ARL6IP4: variants seen among roughly 807,000 people sequenced by gnomAD.
ARL6IP4 encodes the protein ARF like GTPase 6 interacting protein 4.
ARL6IP4 carries 24 observed loss-of-function variants against 28.1 expected under a neutral mutation model. The ratio of observed to expected loss-of-function variants is 0.86; its 90% CI spans 0.62 to 1.20. The LOEUF (loss-of-function observed/expected upper bound fraction) is 1.20. Ranked by LOEUF, ARL6IP4 falls within the 50% of genes most tolerant of loss-of-function variation. The probability of loss-of-function intolerance (pLI) is 0.00; values close to 1 mark genes in which losing one functional copy is unlikely to be tolerated. For synonymous variants in ARL6IP4, 162 were observed against 122.3 expected, an observed-to-expected ratio of 1.32 and a Z score of -2.14; for missense variants, 343 against 302.4, an observed-to-expected ratio of 1.13 and a Z score of -1.00.
chr12:122,981,911 AG>A (rs762223279), intron 3 of ARL6IP4, 32 bp downstream of exon 3: 2 of 1,613,522 alleles, frequency 1.2e-6, no homozygotes, highest in Non-Finnish European at 1.7e-6. Context: ...GAGAGGGAGA[AG>A]GTCGCTTCCC....
chr12:122,980,973 T>G, intron 1 of ARL6IP4, 156 bp from the exon 2 acceptor site: 1 of 1,365,822 alleles, frequency 7.3e-7, no homozygotes, highest in Non-Finnish European at 9.4e-7. Flanking sequence ...AAAACCGGGG[T>G]CCCCAGCGCT....
At chr12:122,980,558 G>A, upstream of ARL6IP4, 1 of 1,353,150 alleles carries the variant, frequency 7.4e-7, no homozygotes, top group Non-Finnish European at 9.5e-7. Flanking sequence ...GAGGGCCGGC[G>A]CCCCTGCTTG....
chr12:122,982,433 C>A (rs1294280828), intron 4 of ARL6IP4, 36 bp from the exon 5 acceptor site: 1 of 1,575,000 alleles, frequency 6.3e-7, no homozygotes, highest in South Asian at 1.1e-5. Context: ...GGGGACCTGC[C>A]TATTCCTTGC....
Position 122,981,972 on chromosome 12 carries a change from A to G in ARL6IP4, c.485A>G (p.Gln162Arg). 2 of 1,613,776 alleles carry G rather than the reference A, an allele frequency of 1.2e-6. No homozygotes were observed. The highest frequency in any genetic ancestry group is 2.2e-5 in the South Asian group (2 of 91,086). The change falls in exon 4 of 6, where the codon CAG (glutamine) becomes CGG (arginine). Residue 162 changes from glutamine to arginine, a missense_variant. Gln to Arg is a conservative substitution (Grantham distance 43). Coordinates refer to ENST00000315580, the MANE Select transcript of ARL6IP4 (RefSeq NM_018694.4). ...EEDGPVLTDEQKSRIQAMKPM... is the reference protein window; with the variant it reads ...EEDGPVLTDERKSRIQAMKPM... Reference sequence around the variant, plus strand: ...TCCCTTCCAGTCCTGACGGATGAGCAGAAGTCCCGAATCCAGGCCATGAAG... The same window carrying G: ...TCCCTTCCAGTCCTGACGGATGAGCGGAAGTCCCGAATCCAGGCCATGAAG...
chr12:122,980,289 G>A, upstream of ARL6IP4: 1 of 1,268,120 alleles, frequency 7.9e-7, no homozygotes. Flanking sequence ...TCACTGCCAA[G>A]ATCTTTCTGG....
upstream of ARL6IP4, chr12:122,980,303 C>T: frequency 1.6e-6 from 2 of 1,283,286 alleles, no homozygotes; most frequent in East Asian, 2.9e-5. Context: ...TTTCTGGCCC[C>T]TACGGACACG....
chr12:122,980,426 G>A (rs748529387), upstream of ARL6IP4: 55 of 1,362,190 alleles, frequency 4.0e-5, no homozygotes, highest in Non-Finnish European at 4.3e-5. Flanking sequence ...AGGGCGGCGC[G>A]CGCGAGGGTC....
intron 3 of ARL6IP4, 35 bp from the exon 4 acceptor site, chr12:122,981,922 C>G (rs780761653): frequency 1.9e-6 from 3 of 1,613,512 alleles, no homozygotes; most frequent in African/African-American, 1.3e-5. Context: ...GGTCGCTTCC[C>G]AAGGCCTGGC....
chr12:122,980,455 C>T, upstream of ARL6IP4: 1 of 1,360,880 alleles, frequency 7.3e-7, no homozygotes, highest in South Asian at 2.0e-5. Context: ...CCCAGGGCAC[C>T]GGGGGCGTGG....
Position 122,982,849 on chromosome 12 carries a change from G to A in ARL6IP4, c.*173G>A. The A allele has an allele frequency of 1.5e-6, 1 of 654,230 alleles. No individual in the cohort carries two copies. The highest frequency in any genetic ancestry group is 2.6e-6 in the Non-Finnish European group (1 of 379,804). The allele number at this position is 654,230 out of a possible 1,614,324, so 40.5% of individuals were successfully genotyped here. A position where few individuals can be genotyped will look rare whatever the true frequency, so the allele number is the denominator to read the frequency against. Reference sequence around the variant, plus strand: ...GGGTGGAGGTTGGGGTCACCGGCCTGCTTGGCACCCCCATCTGAAAGAGCA... The same window carrying A: ...GGGTGGAGGTTGGGGTCACCGGCCTACTTGGCACCCCCATCTGAAAGAGCA... On this transcript the variant is annotated 3_prime_UTR_variant, in exon 6 of 6. Transcript: ENST00000315580.
At position 122,982,064 on chromosome 12, in the gene ARL6IP4, G is replaced by A; in HGVS notation, c.577G>A (p.Gly193Arg). The A allele has an allele frequency of 1.2e-6, 2 of 1,613,478 alleles. No individual in the cohort carries two copies. Among genetic ancestry groups the A allele is most frequent in the Non-Finnish European group, 1.7e-6 (2 of 1,180,014 alleles). ...IIRKVVDPET[G>R]RTRLIKGDGE... ...CCGCAAGGTGGTGGACCCTGAGACG[G>A]GGCGCACCAGGTGGGGAGCTTTCGG... The change falls in exon 4 of 6, where the codon GGG becomes AGG. Residue 193 changes from glycine (G) to arginine (R), a missense_variant. Transcript: ENST00000315580.
intron 4 of ARL6IP4, 30 bp downstream of exon 4, chr12:122,982,104 C>T: frequency 6.2e-7 from 1 of 1,603,758 alleles, no homozygotes; most frequent in Non-Finnish European, 8.5e-7. Flanking sequence ...ACTTACACCA[C>T]AGGATCTGGG....
chr12:122,982,385 C>G (rs574784485), intron 4 of ARL6IP4, 84 bp from the exon 5 acceptor site: 1 of 1,368,702 alleles, frequency 7.3e-7, no homozygotes, highest in East Asian at 2.5e-5. Flanking sequence ...CCTGGGACCC[C>G]TCTGCCGGCT....
At chr12:122,980,516 G>C, upstream of ARL6IP4, 1 of 1,363,370 alleles carries the variant, frequency 7.3e-7, no homozygotes. Context: ...GCGCAGCTTC[G>C]GCAGACACAG....
Position 122,982,725 on chromosome 12 carries a change from G to C in ARL6IP4, c.*49G>C. 6.3e-7 allele frequency: 1 copy of C among 1,591,508 alleles called. No individual in the cohort carries two copies. The highest frequency in any genetic ancestry group is 1.1e-5 in the South Asian group (1 of 90,514). On this transcript the variant is annotated 3_prime_UTR_variant, in exon 6 of 6. Transcript: ENST00000315580. ...TGGACGACGCTGGCGGCCCAGCCTG[G>C]GCAGGTTTCAGGGTGCCAGTGGGAA... is the stretch of plus-strand genomic sequence containing the variant.
Position 122,981,997 on chromosome 12 carries a change from G to A in ARL6IP4, c.510G>A (p.Lys170=). ...AGAAGTCCCGAATCCAGGCCATGAA[G>A]CCCATGACCAAGGAGGAGTGGGATG... ...DEQKSRIQAM[K]PMTKEEWDAR... is the part of the protein sequence containing the mutation. Residue 170 remains lysine, a synonymous_variant, in exon 4 of 6, where the codon AAG becomes AAA. Coordinates refer to ENST00000315580, the MANE Select transcript of ARL6IP4 (RefSeq NM_018694.4). The A allele has an allele frequency of 6.2e-7, 1 of 1,613,766 alleles. No individual in the cohort carries two copies. The highest frequency in any genetic ancestry group is 2.2e-5 in the East Asian group (1 of 44,874).
chr12:122,982,324 A>G, intron 4 of ARL6IP4, 145 bp from the exon 5 acceptor site: 1 of 876,814 alleles, frequency 1.1e-6, no homozygotes, highest in South Asian at 1.7e-5. Flanking sequence ...TTCATCAGGG[A>G]GAGTGGGTGA....
chr12:122,982,229 G>A, intron 4 of ARL6IP4, 155 bp downstream of exon 4: 5 of 905,752 alleles, frequency 5.5e-6, no homozygotes, highest in Non-Finnish European at 8.6e-6. Flanking sequence ...GTAGTTGCAG[G>A]GGCTGGAAGG....
chr12:122,980,390 G>GGA, upstream of ARL6IP4: 1 of 1,349,012 alleles, frequency 7.4e-7, no homozygotes, highest in Non-Finnish European at 9.5e-7. Flanking sequence ...GCAGTCGTAT[G>GGA]GAGAGGGCAG....
Sources: gnomAD v4.1 joint callset for allele counts on GRCh38, gnomAD v4.1.1 for gene constraint, MANE v1.5 for transcripts, NCBI Gene and HGNC (gene_info 2026-07-23, HGNC 2026-07-21) for gene names.